The following FYB2 variants were observed in gnomAD, a reference collection of about 807,000 sequenced individuals.
FYB2 encodes the protein FYN-binding protein 2.
FYB2 carries 103 observed loss-of-function variants against 94.1 expected under a neutral mutation model. That is an observed-to-expected ratio of 1.09 (90% CI 0.93 to 1.29). FYB2 has a LOEUF of 1.29. FYB2 is among the 50% of genes most tolerant of loss of function. The pLI is 0.00. For missense variants in FYB2, 896 were observed against 841.5 expected (o/e 1.06, Z -0.80); for synonymous variants, 293 against 287.9 (o/e 1.02, Z -0.18).
At chr1:56,767,339 G>A (rs912079497) in intron 5 of FYB2, among the ~76,000 whole-genome samples, 1 of 152,180 alleles carries the variant, frequency 6.6e-6, no homozygotes, top group African/African-American at 2.4e-5. Flanking sequence ...GGAAGACTTA[G>A]CTCTGAGCCA....
At chr1:56,826,748 T>G in the FYB2 span, 1 of 152,260 alleles carries the variant, frequency 6.6e-6, no homozygotes, top group African/African-American at 2.4e-5. Context: ...GTAGCCTCTG[T>G]GAGTCCTTCA....
At position 56,719,555 on chromosome 1, in the gene FYB2, C is replaced by T; in HGVS notation, c.*116G>A. On this transcript the variant is annotated 3_prime_UTR_variant, in exon 20 of 20. Coordinates refer to ENST00000343433, the MANE Select transcript of FYB2 (RefSeq NM_001004303.5). ...CTTTTAAGTTCAGAACGAAAGTTTC[C>T]ACAGATTCCACCATCTCAAAATTTT... The T allele has an allele frequency of 1.9e-5, 17 of 875,192 alleles. No individual in the cohort carries two copies. Among genetic ancestry groups the T allele is most frequent in the East Asian group, 5.5e-5 (2 of 36,302 alleles). 54.2% of individuals were successfully genotyped at this position (875,192 alleles called of 1,614,324 possible). A position where few individuals can be genotyped will look rare whatever the true frequency, so the allele number is the denominator to read the frequency against.
intron 12 of FYB2, 54 bp downstream of exon 12, chr1:56,742,107 A>T: frequency 6.6e-7 from 1 of 1,504,256 alleles, no homozygotes; most frequent in Admixed American, 1.8e-5. Context: ...CTCTGGCTTT[A>T]CTAGACTAAC....
chr1:56,789,089 G>A lies in FYB2; in HGVS notation c.803C>T (p.Pro268Leu), dbSNP rs1025870895. ...VRHHHLPKTKPLPSIDSLGPP... is the reference protein window; with the variant it reads ...VRHHHLPKTKLLPSIDSLGPP... ...ACCCAGGGAGTCGATGGAGGGCAAT[G>A]GCTTTGTTTTGGGAAGGTGGTGATG... The change falls in exon 3 of 20, where the codon CCA becomes CTA. Residue 268 changes from proline to leucine, a missense_variant. Pro to Leu is a moderately conservative substitution (Grantham distance 98, BLOSUM62 -3). Transcript: ENST00000343433. 7 of 1,611,156 alleles carry A rather than the reference G, an allele frequency of 4.3e-6. No individual in the cohort carries two copies. Among genetic ancestry groups the A allele is most frequent in the Non-Finnish European group, 5.1e-6 (6 of 1,178,686 alleles).
At chr1:56,762,810 G>T (rs1177116597) in intron 5 of FYB2, among the ~76,000 whole-genome samples, 1 of 152,134 alleles carries the variant, frequency 6.6e-6, no homozygotes, top group African/African-American at 2.4e-5. Context: ...TCCTTGCCTT[G>T]TTACCGGTAG....
At chr1:56,777,933 T>C (rs973571956) in intron 4 of FYB2, among the ~76,000 whole-genome samples, 1 of 152,134 alleles carries the variant, frequency 6.6e-6, no homozygotes. Context: ...CTTAAGACTT[T>C]CCAGAGGCAT....
intron 15 of FYB2, among the ~76,000 whole-genome samples, chr1:56,736,501 C>T (rs1644835175): frequency 6.8e-6 from 1 of 146,754 alleles, no homozygotes; most frequent in African/African-American, 2.5e-5. Context: ...TCCCGGCTCA[C>T]TACAACCTCT....
At chr1:56,722,900 G>A (rs781443613) in intron 17 of FYB2, among the ~76,000 whole-genome samples, 3 of 152,034 alleles carry the variant, frequency 2.0e-5, no homozygotes, top group Non-Finnish European at 4.4e-5. Flanking sequence ...CTAGCACATG[G>A]AAGGTGCTCA....
intron 5 of FYB2, among the ~76,000 whole-genome samples, chr1:56,762,469 A>C (rs1645519979): frequency 6.6e-6 from 1 of 152,192 alleles, no homozygotes. Context: ...AAATATAAAC[A>C]CATATCTATT....
chr1:56,738,299 A>G (rs1470362187), intron 14 of FYB2, among the ~76,000 whole-genome samples: 1 of 152,132 alleles, frequency 6.6e-6, no homozygotes, highest in Admixed American at 6.6e-5. Flanking sequence ...CATGAGTTTC[A>G]TAGTCAGAGA....
upstream of FYB2, among the ~76,000 whole-genome samples, chr1:56,821,668 T>C (rs924523974): frequency 3.9e-5 from 6 of 152,320 alleles, no homozygotes; most frequent in Non-Finnish European, 7.3e-5. Context: ...TCCTCCTCAA[T>C]GGTTGGTGGC....
chr1:56,824,993 G>C, the FYB2 span: 3 of 152,382 alleles, frequency 2.0e-5, no homozygotes, highest in East Asian at 3.9e-4. Flanking sequence ...GAGGTGGCCT[G>C]TGTCAATGAG....
intron 4 of FYB2, among the ~76,000 whole-genome samples, chr1:56,772,523 G>A: frequency 6.6e-6 from 1 of 152,110 alleles, no homozygotes; most frequent in Non-Finnish European, 1.5e-5. Flanking sequence ...ACTTGGATTG[G>A]AGGGACGAAA....
chr1:56,765,238 TC>T (rs1261261855), intron 5 of FYB2, among the ~76,000 whole-genome samples: 1 of 152,030 alleles, frequency 6.6e-6, no homozygotes, highest in African/African-American at 2.4e-5. Flanking sequence ...AGGGTGGCCT[TC>T]TTACTGCTGG....
the FYB2 span, among the ~76,000 whole-genome samples, chr1:56,825,397 C>T: frequency 1.3e-5 from 2 of 152,164 alleles, no homozygotes; most frequent in Admixed American, 6.5e-5. Flanking sequence ...TCACCCTGCT[C>T]ACCTGCTCCC....
At chr1:56,812,482 C>T (rs1393284925) in intron 1 of FYB2, among the ~76,000 whole-genome samples, 1 of 152,094 alleles carries the variant, frequency 6.6e-6, no homozygotes, top group Non-Finnish European at 1.5e-5. Context: ...ATAAGTAAAA[C>T]CACCACTTTT....
intron 4 of FYB2, among the ~76,000 whole-genome samples, chr1:56,778,695 G>A (rs535446153): frequency 3.0e-4 from 45 of 152,172 alleles, no homozygotes; most frequent in African/African-American, 1.1e-3. Flanking sequence ...AAAATAACAG[G>A]AAAATAAAGC....
intron 5 of FYB2, among the ~76,000 whole-genome samples, chr1:56,760,944 A>G (rs1645477583): frequency 1.3e-5 from 2 of 152,200 alleles, no homozygotes; most frequent in Admixed American, 1.3e-4. Context: ...TGGACTAGGA[A>G]TTATGACAAG....
At chr1:56,760,528 T>C (rs1313908692) in intron 5 of FYB2, among the ~76,000 whole-genome samples, 3 of 152,178 alleles carry the variant, frequency 2.0e-5, no homozygotes, top group African/African-American at 2.4e-5. Flanking sequence ...AAAATACCTG[T>C]TTGTGATACA....
Sources: gnomAD v4.1 joint callset for allele counts (sites outside exome capture counted in the v4.1 genomes callset) on GRCh38, gnomAD v4.1.1 for gene constraint, MANE v1.5 for transcripts, NCBI Gene and HGNC (gene_info 2026-07-23, HGNC 2026-07-21) for gene names.